EIF4G3: variants seen among roughly 807,000 people sequenced by gnomAD.
EIF4G3 encodes the protein eIF-4-gamma 3.
EIF4G3 carries 34 observed loss-of-function variants against 186.4 expected under a neutral mutation model. That is an observed-to-expected ratio of 0.18 (90% CI 0.14 to 0.24). EIF4G3 has a LOEUF of 0.24. EIF4G3 is among the 10% of genes least tolerant of loss of function. The probability of loss-of-function intolerance (pLI) is 1.00; values close to 1 mark genes in which losing one functional copy is unlikely to be tolerated. For synonymous variants in EIF4G3, 673 were observed against 679.5 expected, an observed-to-expected ratio of 0.99 and a Z score of 0.15; for missense variants, 1,536 against 1,948.5, an observed-to-expected ratio of 0.79 and a Z score of 3.99.
chr1:20,856,673 C>A (rs922140193), intron 25 of EIF4G3, among the ~76,000 whole-genome samples: 2 of 152,144 alleles, frequency 1.3e-5, no homozygotes, highest in Non-Finnish European at 2.9e-5. Flanking sequence ...GTTTCCTTTA[C>A]GCCTTGGATA....
chr1:21,167,983 C>G, intron 2 of EIF4G3: 1 of 463,480 alleles, frequency 2.2e-6, no homozygotes, highest in Non-Finnish European at 4.5e-6. Context: ...GAACATTCCC[C>G]TTTGTAATGT....
chr1:20,816,090 A>G (rs1439356110), intron 34 of EIF4G3, among the ~76,000 whole-genome samples: 706 of 38,020 alleles, frequency 0.019, no homozygotes, highest in Admixed American at 0.047. Context: ...CCCCGTCCGG[A>G]AGGGAGGTGG....
chr1:21,119,636 T>C (rs917588286), intron 2 of EIF4G3, among the ~76,000 whole-genome samples: 58 of 152,200 alleles, frequency 3.8e-4, no homozygotes, highest in African/African-American at 1.4e-3. Context: ...AAAGAAACTA[T>C]AGATATAACC....
At chr1:21,051,556 A>G (rs966679668) in intron 3 of EIF4G3, among the ~76,000 whole-genome samples, 1 of 152,204 alleles carries the variant, frequency 6.6e-6, no homozygotes, top group Non-Finnish European at 1.5e-5. Flanking sequence ...TTTTGTCTTT[A>G]AAAACATATA....
At chr1:21,035,992 G>A (rs1399642332) in intron 4 of EIF4G3, among the ~76,000 whole-genome samples, 4 of 152,194 alleles carry the variant, frequency 2.6e-5, no homozygotes. Flanking sequence ...CTGTAGAGAG[G>A]AGCTACCCTC....
At chr1:21,002,392 CA>C (rs534707071) in intron 5 of EIF4G3, among the ~76,000 whole-genome samples, 1 of 152,104 alleles carries the variant, frequency 6.6e-6, no homozygotes, top group Non-Finnish European at 1.5e-5. Context: ...GAATTTTGAA[CA>C]GTACAACTAA....
At chr1:21,095,502 G>T (rs776351582) in intron 2 of EIF4G3, among the ~76,000 whole-genome samples, 3 of 152,038 alleles carry the variant, frequency 2.0e-5, no homozygotes, top group African/African-American at 2.4e-5. Context: ...TGGTAGAGAT[G>T]GTGTCTCCCT....
intron 2 of EIF4G3, among the ~76,000 whole-genome samples, chr1:21,133,794 G>T: frequency 6.6e-6 from 1 of 152,094 alleles, no homozygotes; most frequent in East Asian, 1.9e-4. Context: ...CAGCACCCAG[G>T]ATGATTCCGG....
At chr1:20,834,904 T>C (rs1405968915) in intron 30 of EIF4G3, among the ~76,000 whole-genome samples, 2 of 152,158 alleles carry the variant, frequency 1.3e-5, no homozygotes, top group African/African-American at 2.4e-5. Flanking sequence ...AACATTCCAT[T>C]AAACAGCAGC....
intron 2 of EIF4G3, among the ~76,000 whole-genome samples, chr1:21,109,234 G>T (rs1327121528): frequency 2.6e-5 from 4 of 152,198 alleles, no homozygotes; most frequent in Admixed American, 2.0e-4. Context: ...AGCTACAAGG[G>T]TTTTGTACCC....
chr1:21,111,254 G>A (rs1369889697), intron 2 of EIF4G3: 5 of 468,374 alleles, frequency 1.1e-5, no homozygotes, highest in African/African-American at 4.0e-5. Context: ...GGCACTCTAC[G>A]AAGGCATAGA....
chr1:21,019,856 C>T (rs762553154), intron 4 of EIF4G3, among the ~76,000 whole-genome samples: 16 of 152,258 alleles, frequency 1.1e-4, no homozygotes, highest in Non-Finnish European at 2.1e-4. Context: ...TGCACTCCAG[C>T]CTGGCAACAG....
intron 10 of EIF4G3, among the ~76,000 whole-genome samples, chr1:20,979,250 T>A (rs1301187513): frequency 6.6e-6 from 1 of 152,166 alleles, no homozygotes; most frequent in East Asian, 1.9e-4. Context: ...GCAACCCAGC[T>A]CTCTCTAAAT....
At chr1:21,093,291 G>A (rs1308615993) in intron 2 of EIF4G3, among the ~76,000 whole-genome samples, 2 of 152,076 alleles carry the variant, frequency 1.3e-5, no homozygotes, top group Middle Eastern at 3.2e-3. Flanking sequence ...GTGGGCAAAG[G>A]ATATGAACAG....
Position 21,109,684 on chromosome 1 carries a change from G to T in EIF4G3, c.-271-20471C>A, listed in dbSNP as rs181417168. 1.9e-4 allele frequency among the ~76,000 whole-genome samples: 29 copies of T among 152,266 alleles called. No individual in the cohort carries two copies. In the East Asian group the frequency reaches 4.4e-3, roughly 23 times the overall value. ...CCAATTTTTAATGTAAGGAACAGAG[G>T]AAGCATCTGAATGTAGCAGTTCCTC... On this transcript the variant is annotated intron_variant, in intron 2 of 36. Coordinates refer to ENST00000602326, the MANE Select transcript of EIF4G3 (RefSeq NM_001391906.1).
intron 20 of EIF4G3, among the ~76,000 whole-genome samples, chr1:20,874,568 T>G (rs1433586312): frequency 6.6e-6 from 1 of 152,214 alleles, no homozygotes. Context: ...AGGCTGTTTT[T>G]TTCCTACTGA....
At chr1:21,174,306 C>T (rs1001229157) in intron 2 of EIF4G3, among the ~76,000 whole-genome samples, 4 of 152,178 alleles carry the variant, frequency 2.6e-5, no homozygotes, top group Admixed American at 2.0e-4. Flanking sequence ...CAACTCAGAG[C>T]TTTTATAAGT....
At chr1:21,101,213 C>T (rs891096711) in intron 2 of EIF4G3, among the ~76,000 whole-genome samples, 1 of 152,082 alleles carries the variant, frequency 6.6e-6, no homozygotes, top group Non-Finnish European at 1.5e-5. Flanking sequence ...GCTGGGATTA[C>T]AGGCATGAGC....
intron 18 of EIF4G3, chr1:20,892,814 G>A: frequency 2.2e-6 from 2 of 920,196 alleles, no homozygotes; most frequent in South Asian, 3.2e-5. Context: ...AAACAAAACA[G>A]GAATCTTATC....
Sources: allele counts gnomAD v4.1 joint callset (sites outside exome capture counted in the v4.1 genomes callset), GRCh38; gene constraint gnomAD v4.1.1; transcripts MANE v1.5; gene names NCBI Gene and HGNC (gene_info 2026-07-23, HGNC 2026-07-21).